LTBP2: variants seen among roughly 807,000 people sequenced by gnomAD.
LTBP2 encodes the protein latent-transforming growth factor beta-binding protein 2.
A neutral mutation model predicts 210.6 loss-of-function variants in LTBP2; 103 were observed. That is an observed-to-expected ratio of 0.49 (90% CI 0.42 to 0.58). The LOEUF is 0.58. Among genes scored for constraint, LTBP2 ranks in the 20% least tolerant of loss-of-function variants. The pLI, the probability that LTBP2 is intolerant of heterozygous loss-of-function variation, is 0.00. For synonymous variants in LTBP2, 1,007 were observed against 1,015.0 expected, an observed-to-expected ratio of 0.99 and a Z score of 0.15; for missense variants, 2,313 against 2,494.5, an observed-to-expected ratio of 0.93 and a Z score of 1.55.
intron 4 of LTBP2, among the ~76,000 whole-genome samples, chr14:74,553,923 C>CGTGTGTGTGT (rs34143485): frequency 0.023 from 3,030 of 130,560 alleles, 41 homozygotes; most frequent in Middle Eastern, 0.038. Context: ...AGCGGAGAAA[C>CGTGTGTGTGT]GTGTGTGTGT....
In LTBP2 at chr14:74,612,042, G is replaced by A; in HGVS notation, c.-98C>T. Reference sequence around the variant, plus strand: ...CGGGCTGTTCTCCCGGCCCCGCCCGGCGGCCAGCTTCTCTGAGTCTAGGGG... The same window carrying A: ...CGGGCTGTTCTCCCGGCCCCGCCCGACGGCCAGCTTCTCTGAGTCTAGGGG... On this transcript the variant is annotated 5_prime_UTR_variant, in exon 1 of 36. Transcript: ENST00000261978. 7.5e-7 allele frequency: 1 copy of A among 1,325,384 alleles called. No individual in the cohort carries two copies. The highest frequency in any genetic ancestry group is 9.8e-7 in the Non-Finnish European group (1 of 1,018,774). 82.1% of individuals were successfully genotyped at this position (1,325,384 alleles called of 1,614,324 possible). A position where few individuals can be genotyped will look rare whatever the true frequency, so the allele number is the denominator to read the frequency against.
At chr14:74,541,530 AC>A (rs1450536651) in intron 8 of LTBP2, among the ~76,000 whole-genome samples, 1 of 152,170 alleles carries the variant, frequency 6.6e-6, no homozygotes, top group Non-Finnish European at 1.5e-5. Context: ...ACCCAAGGTC[AC>A]CCCGCTGGTG....
intron 2 of LTBP2, among the ~76,000 whole-genome samples, chr14:74,603,313 G>C (rs2088475042): frequency 6.6e-6 from 1 of 152,120 alleles, no homozygotes; most frequent in Admixed American, 6.5e-5. Flanking sequence ...TTTTAGAAGA[G>C]ACAGGGTTTC....
At chr14:74,571,417 T>C (rs2087975710) in intron 3 of LTBP2, among the ~76,000 whole-genome samples, 2 of 152,214 alleles carry the variant, frequency 1.3e-5, no homozygotes, top group Admixed American at 1.3e-4. Context: ...TCAATCCTTC[T>C]GACAATTCCA....
intron 18 of LTBP2, among the ~76,000 whole-genome samples, chr14:74,513,346 C>T (rs1026560549): frequency 3.9e-5 from 6 of 152,212 alleles, no homozygotes; most frequent in East Asian, 1.9e-4. Context: ...GCGTATGATA[C>T]GGATAATTTA....
At chr14:74,554,630 G>A (rs1406909187) in intron 4 of LTBP2, among the ~76,000 whole-genome samples, 1 of 152,342 alleles carries the variant, frequency 6.6e-6, no homozygotes, top group African/African-American at 2.4e-5. Context: ...ACGGGAAATA[G>A]GTGAGTGGTT....
In LTBP2 at chr14:74,506,870, T is replaced by A. The variant is rs759832181; in HGVS notation, c.3908-47A>T. 5.8e-6 allele frequency: 9 copies of A among 1,550,480 alleles called. No homozygotes were observed. The East Asian group carries it at 2.2e-4, about 37-fold the overall frequency. ...GATAGAGGATGTGTGTGTGTGTGTG[T>A]GTGTGTGTGCGCGCGCGCGTGTGTG... On this transcript the variant is annotated intron_variant, in intron 26 of 35. Transcript: ENST00000261978.
chr14:74,507,843 T>A, intron 25 of LTBP2, 130 bp downstream of exon 25: 1 of 1,279,610 alleles, frequency 7.8e-7, no homozygotes, highest in Non-Finnish European at 1.1e-6. Context: ...GCCCTGAGTC[T>A]CAATACATAC....
At chr14:74,582,069 GA>G (rs536977038) in intron 3 of LTBP2, among the ~76,000 whole-genome samples, 61 of 150,514 alleles carry the variant, frequency 4.1e-4, no homozygotes, top group African/African-American at 1.5e-3. Context: ...ACCCCAGCTG[GA>G]GTGCAATGGT....
At chr14:74,501,743 T>A in intron 34 of LTBP2, 153 bp from the exon 35 acceptor site, 1 of 915,516 alleles carries the variant, frequency 1.1e-6, no homozygotes, top group Non-Finnish European at 1.6e-6. Flanking sequence ...GGAAAGATGC[T>A]AGAACAAAAG....
At chr14:74,596,792 TG>T (rs1300734960) in intron 2 of LTBP2, among the ~76,000 whole-genome samples, 3 of 152,104 alleles carry the variant, frequency 2.0e-5, no homozygotes, top group Non-Finnish European at 4.4e-5. Flanking sequence ...GTCAAGTCGA[TG>T]GGGGTGCCAG....
chr14:74,569,738 G>A (rs995357009), intron 3 of LTBP2, among the ~76,000 whole-genome samples: 2 of 152,100 alleles, frequency 1.3e-5, no homozygotes, highest in South Asian at 2.1e-4. Context: ...TGAGCACCAG[G>A]CACCAAACAC....
chr14:74,508,220 G>C, intron 24 of LTBP2, 125 bp from the exon 25 acceptor site: 1 of 1,256,966 alleles, frequency 8.0e-7, no homozygotes, highest in Non-Finnish European at 1.1e-6. Flanking sequence ...GTAGGAAAAG[G>C]CTCGAAGCCA....
chr14:74,578,558 G>A (rs1457522949), intron 3 of LTBP2, among the ~76,000 whole-genome samples: 1 of 152,102 alleles, frequency 6.6e-6, no homozygotes, highest in Non-Finnish European at 1.5e-5. Flanking sequence ...CCAGCCACCA[G>A]ACTCTAATCC....
chr14:74,580,448 C>T (rs1470086483), intron 3 of LTBP2, among the ~76,000 whole-genome samples: 3 of 152,104 alleles, frequency 2.0e-5, no homozygotes. Context: ...AGGAAGAAGG[C>T]CACGTGATGA....
At chr14:74,541,657 A>G (rs578143851) in intron 8 of LTBP2, among the ~76,000 whole-genome samples, 10 of 152,258 alleles carry the variant, frequency 6.6e-5, no homozygotes, top group African/African-American at 2.4e-4. Context: ...GTGTCTAGGC[A>G]GAAAACCCTA....
At chr14:74,538,915 G>A (rs771897892) in intron 8 of LTBP2, among the ~76,000 whole-genome samples, 11 of 152,350 alleles carry the variant, frequency 7.2e-5, no homozygotes, top group Middle Eastern at 3.4e-3. Context: ...AGATGTGCAC[G>A]TCCCTGGCGT....
intron 3 of LTBP2, among the ~76,000 whole-genome samples, chr14:74,560,600 A>C (rs1017727599): frequency 3.9e-5 from 6 of 152,224 alleles, no homozygotes; most frequent in African/African-American, 1.4e-4. Context: ...CCTCTACCCC[A>C]TTCACCCTCA....
rs1487878864 is a variant in LTBP2 at position 74,611,806 on chromosome 14, C to T, written c.139G>A (p.Gly47Ser). The T allele has an allele frequency of 6.2e-7, 1 of 1,611,630 alleles. No homozygotes were observed. The highest frequency in any genetic ancestry group is 1.1e-5 in the South Asian group (1 of 91,044). ...RDPVGRYEPA[G>S]GDANRLRRPG... ...CGCCGCAGTCGATTCGCGTCTCCAC[C>T]AGCCGGCTCGTATCTCCCTACGGGG... The change falls in exon 1 of 36, where the codon GGT (glycine) becomes AGT (serine). Residue 47 changes from glycine (G) to serine (S), a missense_variant. By Grantham distance (56) the Gly-to-Ser change is moderately conservative. Transcript: ENST00000261978.
Sources: allele counts gnomAD v4.1 joint callset (sites outside exome capture counted in the v4.1 genomes callset), GRCh38; gene constraint gnomAD v4.1.1; transcripts MANE v1.5; gene names NCBI Gene and HGNC (gene_info 2026-07-23, HGNC 2026-07-21).